ARL15: variants seen among roughly 807,000 people sequenced by gnomAD.
ARL15 encodes ARF like GTPase 15.
In ARL15, 19 loss-of-function variants were observed where a neutral mutation model predicts 25.2. The ratio of observed to expected loss-of-function variants is 0.75; its 90% CI spans 0.53 to 1.10. The LOEUF is 1.10. Ranked by LOEUF, ARL15 falls within the 50% of genes least tolerant of loss-of-function variation. The probability of loss-of-function intolerance (pLI) is 0.00; values close to 1 mark genes in which losing one functional copy is unlikely to be tolerated. For synonymous variants in ARL15, 94 were observed against 86.8 expected, an observed-to-expected ratio of 1.08 and a Z score of -0.46; for missense variants, 220 against 246.0, an observed-to-expected ratio of 0.89 and a Z score of 0.71.
At chr5:54,078,685 T>C (rs1355883399) in intron 4 of ARL15, among the ~76,000 whole-genome samples, 2 of 135,556 alleles carry the variant, frequency 1.5e-5, no homozygotes, top group Admixed American at 7.9e-5. Flanking sequence ...TAACATTGAC[T>C]GAACATTTCC....
chr5:54,000,236 G>A (rs1191274447), intron 4 of ARL15, among the ~76,000 whole-genome samples: 1 of 152,152 alleles, frequency 6.6e-6, no homozygotes, highest in Non-Finnish European at 1.5e-5. Context: ...TCTCTCCCCT[G>A]ACTATTGTCC....
chr5:54,300,232 T>C (rs1224394633), intron 1 of ARL15, among the ~76,000 whole-genome samples: 1 of 152,218 alleles, frequency 6.6e-6, no homozygotes, highest in Non-Finnish European at 1.5e-5. Context: ...CTGTTGAGGA[T>C]TGGGTAGAAA....
intron 1 of ARL15, among the ~76,000 whole-genome samples, chr5:54,198,593 C>A (rs1431943602): frequency 1.3e-5 from 2 of 148,152 alleles, no homozygotes; most frequent in Non-Finnish European, 1.5e-5. Context: ...TTACAAGGGA[C>A]GTGAAGGACC....
At chr5:54,288,417 A>G (rs1164191408) in intron 1 of ARL15, among the ~76,000 whole-genome samples, 3 of 152,208 alleles carry the variant, frequency 2.0e-5, no homozygotes, top group Non-Finnish European at 2.9e-5. Context: ...AAGTCTACAT[A>G]TAGTGGGCAG....
chr5:53,907,502 T>A (rs1420151442), intron 4 of ARL15, among the ~76,000 whole-genome samples: 4 of 97,100 alleles, frequency 4.1e-5, no homozygotes, highest in African/African-American at 1.6e-4. Context: ...TTTTTTTTTT[T>A]TTTTTTTTTT....
At chr5:53,986,319 A>G (rs1664787) in intron 4 of ARL15, among the ~76,000 whole-genome samples, 54,570 of 152,084 alleles carry the variant, frequency 0.36, 10,655 homozygotes, top group Middle Eastern at 0.46. Context: ...GCAAAAATAA[A>G]CCAAAAAGGC....
intron 4 of ARL15, chr5:53,951,498 C>A (rs1176127699): frequency 4.2e-6 from 2 of 471,006 alleles, no homozygotes; most frequent in Non-Finnish European, 8.8e-6. Context: ...GGACTGGCAC[C>A]AGTCTGCAGG....
chr5:54,150,721 C>G (rs1000003530), intron 3 of ARL15, among the ~76,000 whole-genome samples: 1 of 152,002 alleles, frequency 6.6e-6, no homozygotes, highest in African/African-American at 2.4e-5. Context: ...TTACTTGAAC[C>G]CATGAGGCAG....
intron 4 of ARL15, among the ~76,000 whole-genome samples, chr5:53,933,641 T>TC (rs1746264932): frequency 1.7e-4 from 1 of 5,790 alleles, no homozygotes; most frequent in African/African-American, 5.1e-4. Flanking sequence ...CGAGACTGTC[T>TC]CAAAAAAAAA....
At chr5:53,912,219 G>A (rs1745487561) in intron 4 of ARL15, 2 of 152,064 alleles carry the variant, frequency 1.3e-5, no homozygotes, top group African/African-American at 2.4e-5. Context: ...ATTTTTCGAA[G>A]CTAGGACACC....
At chr5:54,009,559 G>T (rs1022456485) in intron 4 of ARL15, among the ~76,000 whole-genome samples, 3 of 152,296 alleles carry the variant, frequency 2.0e-5, no homozygotes, top group African/African-American at 7.2e-5. Flanking sequence ...GGCTGCTGCA[G>T]ACATTCCTGC....
At chr5:54,171,683 G>T in intron 2 of ARL15, 101 bp downstream of exon 2, 2 of 1,306,854 alleles carry the variant, frequency 1.5e-6, no homozygotes, top group Non-Finnish European at 2.1e-6. Context: ...ACTGATTAAA[G>T]CATTAAACTA....
At chr5:54,247,019 A>G (rs181183435) in intron 1 of ARL15, among the ~76,000 whole-genome samples, 1 of 152,290 alleles carries the variant, frequency 6.6e-6, no homozygotes, top group Admixed American at 6.5e-5. Context: ...CAAAGACTGT[A>G]TAAATGTACA....
At chr5:53,937,849 G>C (rs1444777563) in intron 4 of ARL15, among the ~76,000 whole-genome samples, 1 of 151,914 alleles carries the variant, frequency 6.6e-6, no homozygotes, top group Non-Finnish European at 1.5e-5. Context: ...GGGTGGAGTG[G>C]GGTGGGGTGA....
At chr5:53,929,206 T>C (rs812559) in intron 4 of ARL15, among the ~76,000 whole-genome samples, 2 of 150,324 alleles carry the variant, frequency 1.3e-5, no homozygotes, top group African/African-American at 4.9e-5. Context: ...GCACGCAGAT[T>C]GGTTAGATAG....
At chr5:53,990,884 A>C (rs1748467492) in intron 4 of ARL15, among the ~76,000 whole-genome samples, 1 of 152,172 alleles carries the variant, frequency 6.6e-6, no homozygotes, top group Non-Finnish European at 1.5e-5. Flanking sequence ...AATTCAAAAA[A>C]ATTTTGAAAT....
intron 1 of ARL15, among the ~76,000 whole-genome samples, chr5:54,279,425 C>T (rs1382914334): frequency 6.6e-6 from 1 of 152,106 alleles, no homozygotes; most frequent in African/African-American, 2.4e-5. Flanking sequence ...TAAAGATGTC[C>T]ACCTTCTTAT....
chr5:54,016,685 C>T (rs1749439148), intron 4 of ARL15, among the ~76,000 whole-genome samples: 2 of 152,164 alleles, frequency 1.3e-5, no homozygotes, highest in South Asian at 4.1e-4. Flanking sequence ...AAGCTCATCA[C>T]AGCATGCTAC....
At chr5:53,939,671 G>T (rs1746470265) in intron 4 of ARL15, among the ~76,000 whole-genome samples, 1 of 151,968 alleles carries the variant, frequency 6.6e-6, no homozygotes. Flanking sequence ...GGAGGTGGTG[G>T]TTGCAGTGAG....
Sources: allele counts gnomAD v4.1 joint callset (sites outside exome capture counted in the v4.1 genomes callset), GRCh38; gene constraint gnomAD v4.1.1; transcripts MANE v1.5; gene names NCBI Gene and HGNC (gene_info 2026-07-23, HGNC 2026-07-21).